SCFD2: variants seen among roughly 807,000 people sequenced by gnomAD.
SCFD2 encodes sec1 family domain-containing protein 2.
A neutral mutation model predicts 58.9 loss-of-function variants in SCFD2; 54 were observed. That is an observed-to-expected ratio of 0.92 (90% confidence interval 0.74 to 1.15). The LOEUF (loss-of-function observed/expected upper bound fraction) is 1.15, where lower values mean the gene tolerates loss of function less well. Ranked by LOEUF, SCFD2 falls within the 50% of genes most tolerant of loss-of-function variation. The pLI is 0.00. For missense variants in SCFD2, 805 were observed against 836.6 expected (o/e 0.96, Z 0.47); for synonymous variants, 321 against 335.9 (o/e 0.96, Z 0.49).
intron 7 of SCFD2, among the ~76,000 whole-genome samples, chr4:52,897,463 T>G (rs1719052798): frequency 6.6e-6 from 1 of 152,242 alleles, no homozygotes; most frequent in Admixed American, 6.5e-5. Context: ...TTAAGTTTAT[T>G]GATTTTCATA....
intron 5 of SCFD2, among the ~76,000 whole-genome samples, chr4:52,986,312 A>G (rs1721492379): frequency 6.6e-6 from 1 of 152,024 alleles, no homozygotes; most frequent in Non-Finnish European, 1.5e-5. Context: ...AAGCTCAATG[A>G]TAAGAATCTA....
At chr4:52,876,182 T>C (rs946280726) in intron 8 of SCFD2, among the ~76,000 whole-genome samples, 1 of 151,914 alleles carries the variant, frequency 6.6e-6, no homozygotes, top group African/African-American at 2.4e-5. Flanking sequence ...ACAGCCTTGC[T>C]CACCTCATCT....
chr4:52,983,771 C>A (rs892354710), intron 5 of SCFD2, among the ~76,000 whole-genome samples: 2 of 152,114 alleles, frequency 1.3e-5, no homozygotes, highest in African/African-American at 2.4e-5. Context: ...TGGAAAGAAT[C>A]AAGAGGAACT....
chr4:53,179,430 A>C (rs530773217), intron 4 of SCFD2, among the ~76,000 whole-genome samples: 4 of 152,244 alleles, frequency 2.6e-5, no homozygotes, highest in South Asian at 4.2e-4. Context: ...GAAATAAAAC[A>C]CTTTACAGAC....
At chr4:52,914,029 C>T (rs1040344736) in intron 6 of SCFD2, among the ~76,000 whole-genome samples, 2 of 152,204 alleles carry the variant, frequency 1.3e-5, no homozygotes, top group Non-Finnish European at 2.9e-5. Flanking sequence ...TAAATATTTC[C>T]TTAACAACTG....
intron 5 of SCFD2, among the ~76,000 whole-genome samples, chr4:53,139,034 CT>C (rs1370424004): frequency 6.6e-6 from 1 of 152,146 alleles, no homozygotes; most frequent in African/African-American, 2.4e-5. Flanking sequence ...CCACGCGTGA[CT>C]GGTTTTTGTA....
intron 3 of SCFD2, among the ~76,000 whole-genome samples, chr4:53,284,454 A>G (rs901803113): frequency 6.6e-6 from 1 of 152,160 alleles, no homozygotes; most frequent in Non-Finnish European, 1.5e-5. Context: ...TATTTTATAT[A>G]TGTTGTCATT....
At chr4:53,000,305 T>C (rs949530905) in intron 5 of SCFD2, among the ~76,000 whole-genome samples, 2 of 152,210 alleles carry the variant, frequency 1.3e-5, no homozygotes, top group African/African-American at 4.8e-5. Context: ...GATTTTGCTC[T>C]CTATATCTAA....
At chr4:52,936,211 G>A (rs1720134971) in intron 5 of SCFD2, among the ~76,000 whole-genome samples, 1 of 152,110 alleles carries the variant, frequency 6.6e-6, no homozygotes, top group South Asian at 2.1e-4. Flanking sequence ...CTCCTGGGTA[G>A]TGATGTAATT....
At chr4:53,210,721 T>C (rs1486696106) in intron 4 of SCFD2, among the ~76,000 whole-genome samples, 2 of 152,108 alleles carry the variant, frequency 1.3e-5, no homozygotes, top group Non-Finnish European at 1.5e-5. Flanking sequence ...TTGATTTTTG[T>C]CCATTGTTCC....
chr4:53,072,840 C>T (rs1723860883), intron 5 of SCFD2, among the ~76,000 whole-genome samples: 2 of 139,508 alleles, frequency 1.4e-5, no homozygotes, highest in Admixed American at 1.4e-4. Flanking sequence ...AAACTCACTC[C>T]TTGTGTGTCC....
At chr4:53,051,847 T>C (rs1248502684) in intron 5 of SCFD2, among the ~76,000 whole-genome samples, 2 of 152,118 alleles carry the variant, frequency 1.3e-5, no homozygotes, top group African/African-American at 4.8e-5. Flanking sequence ...AGAGAAGGAA[T>C]TTCTAAAAGT....
chr4:53,228,543 T>C (rs1645536891), intron 4 of SCFD2, among the ~76,000 whole-genome samples: 1 of 152,252 alleles, frequency 6.6e-6, no homozygotes. Flanking sequence ...GATATTGAAA[T>C]AAGATATGCT....
intron 7 of SCFD2, among the ~76,000 whole-genome samples, chr4:52,901,219 C>T (rs907252391): frequency 6.6e-5 from 10 of 152,186 alleles, no homozygotes; most frequent in African/African-American, 2.4e-4. Flanking sequence ...AGAAACCACC[C>T]ATCTTCTGCA....
chr4:53,254,273 C>G (rs1288245995), intron 4 of SCFD2, among the ~76,000 whole-genome samples: 1 of 152,014 alleles, frequency 6.6e-6, no homozygotes, highest in Non-Finnish European at 1.5e-5. Context: ...GGGTGGTTTC[C>G]CCCATGCTGT....
At chr4:53,181,080 G>A (rs1224192217) in intron 4 of SCFD2, among the ~76,000 whole-genome samples, 1 of 152,162 alleles carries the variant, frequency 6.6e-6, no homozygotes, top group African/African-American at 2.4e-5. Flanking sequence ...GAGGTACAAA[G>A]AGGACCTGGT....
intron 7 of SCFD2, among the ~76,000 whole-genome samples, chr4:52,887,951 C>A (rs574967849): frequency 4.2e-5 from 6 of 141,496 alleles, no homozygotes; most frequent in Non-Finnish European, 4.5e-5. Context: ...TCGCCCAGGC[C>A]GGACTGCGGA....
At chr4:53,098,336 C>T (rs897125034) in intron 5 of SCFD2, among the ~76,000 whole-genome samples, 11 of 152,102 alleles carry the variant, frequency 7.2e-5, no homozygotes, top group African/African-American at 2.2e-4. Context: ...GCTGTGAATC[C>T]GTCAGGTCCT....
intron 5 of SCFD2, among the ~76,000 whole-genome samples, chr4:53,029,554 T>C (rs1014155839): frequency 1.3e-5 from 2 of 152,236 alleles, no homozygotes; most frequent in African/African-American, 4.8e-5. Flanking sequence ...TTCATTAAGC[T>C]ATAAACAACA....
Sources: allele counts gnomAD v4.1 joint callset (sites outside exome capture counted in the v4.1 genomes callset), GRCh38; gene constraint gnomAD v4.1.1; transcripts MANE v1.5; gene names NCBI Gene and HGNC (gene_info 2026-07-23, HGNC 2026-07-21).